The following ARHGAP20 variants were observed in gnomAD, a reference collection of about 807,000 sequenced individuals.
ARHGAP20 encodes the protein rho GTPase-activating protein 20.
Under a neutral mutation model 73.7 loss-of-function variants are expected in ARHGAP20, and 34 were observed. The ratio of observed to expected loss-of-function variants is 0.46; its 90% CI spans 0.35 to 0.61. The LOEUF is 0.61. Among genes scored for constraint, ARHGAP20 ranks in the 20% least tolerant of loss-of-function variants. The probability of loss-of-function intolerance (pLI) is 0.00; values close to 1 mark genes in which losing one functional copy is unlikely to be tolerated. For missense variants in ARHGAP20, 1,314 were observed against 1,420.9 expected, an observed-to-expected ratio of 0.92 and a Z score of 1.21; for synonymous variants, 523 against 518.2, an observed-to-expected ratio of 1.01 and a Z score of -0.13.
At chr11:110,696,255 A>G (rs1351489092) in intron 1 of ARHGAP20, among the ~76,000 whole-genome samples, 1 of 151,586 alleles carries the variant, frequency 6.6e-6, no homozygotes, top group Non-Finnish European at 1.5e-5. Flanking sequence ...TGATGAATGT[A>G]CAATTCTATG....
intron 2 of ARHGAP20, among the ~76,000 whole-genome samples, chr11:110,673,268 G>A (rs1418774989): frequency 6.6e-6 from 1 of 152,074 alleles, no homozygotes; most frequent in Non-Finnish European, 1.5e-5. Context: ...ACATAAGTGG[G>A]AAACATTTCA....
chr11:110,636,442 T>C (rs939830464), intron 2 of ARHGAP20, among the ~76,000 whole-genome samples: 1 of 152,140 alleles, frequency 6.6e-6, no homozygotes, highest in Non-Finnish European at 1.5e-5. Context: ...TTTTTAAAAA[T>C]AGTTTACATT....
At chr11:110,626,960 A>G (rs1948757075) in intron 3 of ARHGAP20, among the ~76,000 whole-genome samples, 1 of 152,220 alleles carries the variant, frequency 6.6e-6, no homozygotes, top group Non-Finnish European at 1.5e-5. Flanking sequence ...ATTAGACTAT[A>G]GAAATTTAAA....
At chr11:110,658,191 T>A (rs1949515222) in intron 2 of ARHGAP20, among the ~76,000 whole-genome samples, 1 of 152,174 alleles carries the variant, frequency 6.6e-6, no homozygotes, top group African/African-American at 2.4e-5. Context: ...TTAAATGAGA[T>A]AATCTAAGTA....
At chr11:110,662,140 T>C (rs543915903) in intron 2 of ARHGAP20, among the ~76,000 whole-genome samples, 1 of 151,420 alleles carries the variant, frequency 6.6e-6, no homozygotes, top group African/African-American at 2.4e-5. Context: ...ACGTAAGAAA[T>C]ATATATATAT....
intron 6 of ARHGAP20, 54 bp downstream of exon 6, chr11:110,614,507 G>A: frequency 6.7e-7 from 1 of 1,489,482 alleles, no homozygotes; most frequent in Non-Finnish European, 9.4e-7. Flanking sequence ...TATCCGTAGT[G>A]TTCTGTCTTA....
chr11:110,695,945 A>G (rs1950327398), intron 1 of ARHGAP20, among the ~76,000 whole-genome samples: 1 of 151,634 alleles, frequency 6.6e-6, no homozygotes, highest in Non-Finnish European at 1.5e-5. Context: ...GAATGGGTAA[A>G]CAAAATGTGG....
At chr11:110,694,094 C>T (rs779740189) in intron 1 of ARHGAP20, among the ~76,000 whole-genome samples, 3 of 151,724 alleles carry the variant, frequency 2.0e-5, no homozygotes, top group Non-Finnish European at 3.0e-5. Context: ...AGTTTGATAT[C>T]GTATCACTTA....
intron 1 of ARHGAP20, among the ~76,000 whole-genome samples, chr11:110,709,221 T>C (rs1467025709): frequency 6.6e-6 from 1 of 152,204 alleles, no homozygotes; most frequent in Admixed American, 6.5e-5. Context: ...AAATATTTAG[T>C]ATCTGGTCCT....
At chr11:110,648,210 A>AATATATATATGTAT (rs1308408294) in intron 2 of ARHGAP20, among the ~76,000 whole-genome samples, 1 of 113,330 alleles carries the variant, frequency 8.8e-6, no homozygotes, top group Non-Finnish European at 1.7e-5. Context: ...TATATATGTA[A>AATATATATATGTAT]ATATATATAT....
At chr11:110,691,128 G>A in intron 1 of ARHGAP20, 4 of 593,604 alleles carry the variant, frequency 6.7e-6, no homozygotes, top group South Asian at 4.5e-5. Flanking sequence ...AACACACTTG[G>A]GAATCCCTTC....
Position 110,712,384 on chromosome 11 carries a change from G to T in ARHGAP20, c.-153C>A, listed in dbSNP as rs1475686645. On this transcript the variant is annotated 5_prime_UTR_variant, in exon 1 of 15. Transcript: ENST00000683387. ...TCCGGGTGCTCGCCGCGCGCCTCCC[G>T]TCGGGGCCATGTACCTCCGCCTGCG... The T allele has an allele frequency of 1.3e-5, 6 of 474,980 alleles. No homozygotes were observed. Among genetic ancestry groups the T allele is most frequent in the Non-Finnish European group, 2.0e-5 (6 of 300,044 alleles). 29.4% of individuals were successfully genotyped at this position (474,980 alleles called of 1,614,324 possible).
rs1214293238 is a variant in ARHGAP20 at position 110,580,221 on chromosome 11, C to T, written c.2725G>A (p.Val909Met). The T allele has an allele frequency of 6.2e-7, 1 of 1,614,212 alleles. No individual in the cohort carries two copies. The highest frequency in any genetic ancestry group is 8.5e-7 in the Non-Finnish European group (1 of 1,180,046). ...TGGTTTGTGGCACTACTCTTGCCCA[C>T]CTCAATCCCCATGACTAAACTCTGA... ...INQSLVMGIEVGKSSATNQNT... is the reference protein window; with the variant it reads ...INQSLVMGIEMGKSSATNQNT... Residue 909 changes from valine to methionine, a missense_variant, in exon 15 of 15, where the codon GTG (valine) becomes ATG (methionine). This residue lies in a region of ARHGAP20 where 641 missense variants were observed against 636.9 expected (regional missense o/e 1.01). Coordinates refer to ENST00000683387, the MANE Select transcript of ARHGAP20 (RefSeq NM_001384657.1).
Position 110,628,761 on chromosome 11 carries a change from T to C in ARHGAP20, c.353+1867A>G, listed in dbSNP as rs543644256. ...GACATTAAAGTTATCTCAAAAGCAG[T>C]GTATGGGAAAAAGTGGTATAACCTT... On this transcript the variant is annotated intron_variant, in intron 3 of 14. Coordinates refer to ENST00000683387, the MANE Select transcript of ARHGAP20 (RefSeq NM_001384657.1). Among the ~76,000 whole-genome samples, 280 of 152,172 alleles carry C rather than the reference T, an allele frequency of 1.8e-3. 4 individuals are homozygous for C. The highest frequency in any genetic ancestry group is 6.4e-3 in the African/African-American group (264 of 41,518).
chr11:110,595,188 T>C (rs575709195), intron 9 of ARHGAP20, among the ~76,000 whole-genome samples: 20 of 152,112 alleles, frequency 1.3e-4, no homozygotes, highest in Middle Eastern at 3.4e-3. Flanking sequence ...GCCAATATCA[T>C]ACTGAATGGG....
intron 2 of ARHGAP20, among the ~76,000 whole-genome samples, chr11:110,654,141 C>T (rs1270905399): frequency 1.3e-5 from 2 of 152,068 alleles, no homozygotes; most frequent in East Asian, 1.9e-4. Flanking sequence ...CAGCAAATCA[C>T]CATGGCACAC....
intron 2 of ARHGAP20, among the ~76,000 whole-genome samples, chr11:110,665,628 A>G (rs112465215): frequency 2.8e-4 from 42 of 152,340 alleles, no homozygotes; most frequent in African/African-American, 9.6e-4. Context: ...AGGCCAACTT[A>G]GATAGAATTC....
chr11:110,697,978 A>C (rs1591187466), intron 1 of ARHGAP20, among the ~76,000 whole-genome samples: 1 of 151,770 alleles, frequency 6.6e-6, no homozygotes, highest in Non-Finnish European at 1.5e-5. Context: ...TGGTAATTTG[A>C]TAGAGACTGC....
chr11:110,657,404 A>T (rs115998759), intron 2 of ARHGAP20, among the ~76,000 whole-genome samples: 4,193 of 152,190 alleles, frequency 0.028, 149 homozygotes, highest in African/African-American at 0.08. Flanking sequence ...GGTGAAGGAG[A>T]TATAGTTTAC....
Sources: allele counts gnomAD v4.1 joint callset (sites outside exome capture counted in the v4.1 genomes callset), GRCh38; gene constraint gnomAD v4.1.1; regional missense constraint gnomAD v4.1.1; transcripts MANE v1.5; gene names NCBI Gene and HGNC (gene_info 2026-07-23, HGNC 2026-07-21).